DSCAML1: variants seen among roughly 807,000 people sequenced by gnomAD.
DSCAML1 encodes the protein cell adhesion molecule DSCAML1.
DSCAML1 carries 38 observed loss-of-function variants against 200.5 expected under a neutral mutation model. The observed-to-expected ratio is 0.19, with a 90% CI of 0.15 to 0.25. DSCAML1 has a LOEUF of 0.25. Among genes scored for constraint, DSCAML1 ranks in the 10% least tolerant of loss-of-function variants. The probability of loss-of-function intolerance (pLI) is 1.00; values close to 1 mark genes in which losing one functional copy is unlikely to be tolerated. For missense variants in DSCAML1, 2,223 were observed against 2,858.8 expected, an observed-to-expected ratio of 0.78 and a Z score of 5.07; for synonymous variants, 1,215 against 1,165.0, an observed-to-expected ratio of 1.04 and a Z score of -0.87.
chr11:117,592,325 G>T (rs915721112), intron 3 of DSCAML1, among the ~76,000 whole-genome samples: 2 of 152,134 alleles, frequency 1.3e-5, no homozygotes, highest in African/African-American at 4.8e-5. Context: ...TTGCAGTGTC[G>T]CCAGTCTGCC....
At chr11:117,728,532 A>G (rs527860821) in intron 3 of DSCAML1, among the ~76,000 whole-genome samples, 6 of 48,918 alleles carry the variant, frequency 1.2e-4, no homozygotes, top group Non-Finnish European at 6.2e-4. Flanking sequence ...AATCCTGTAT[A>G]TAAAAAACCC....
rs533504142 is a variant in DSCAML1, at chr11:117,517,422, C to A, written c.1511-683G>T. 2.0e-5 allele frequency among the ~76,000 whole-genome samples: 3 copies of A among 152,194 alleles called. No homozygotes were observed. In the South Asian group the frequency reaches 6.2e-4, roughly 32 times the overall value. On this transcript the variant is annotated intron_variant, in intron 7 of 32. Transcript: ENST00000651296. ...AAGCAAGACAGTGCTCCACAGGGTACAAGGTACTCTCTGGGCCTCAGGTCC... is the reference window on the plus strand; with the variant it reads ...AAGCAAGACAGTGCTCCACAGGGTAAAAGGTACTCTCTGGGCCTCAGGTCC...
intron 3 of DSCAML1, among the ~76,000 whole-genome samples, chr11:117,539,606 C>CAAAAAAAAAAAAAAAAA (rs35130897): frequency 0.018 from 954 of 52,480 alleles, 40 homozygotes; most frequent in Non-Finnish European, 0.024. Context: ...AAAACTCTGT[C>CAAAAAAAAAAAAAAAAA]AAAAAAAAAA....
At chr11:117,690,858 G>A (rs1373115552) in intron 3 of DSCAML1, among the ~76,000 whole-genome samples, 3 of 152,200 alleles carry the variant, frequency 2.0e-5, no homozygotes, top group Admixed American at 2.0e-4. Context: ...GAGGGGCTCT[G>A]GGCTCACCCT....
In DSCAML1 at chr11:117,443,743, G is replaced by A. The variant is rs1044108190; in HGVS notation, c.3862+143C>T. 2.8e-5 allele frequency: 33 copies of A among 1,173,026 alleles called. No individual in the cohort carries two copies. In the Middle Eastern group the frequency reaches 6.8e-4, roughly 24 times the overall value. The allele number at this position is 1,173,026 out of a possible 1,614,324, so 72.7% of individuals were successfully genotyped here. ...GCAGAGGCCCAGTCTTGGTGTGTGC[G>A]GGAGGCAGGCGGGTGGCCAGTTCCT... On this transcript the variant is annotated intron_variant, in intron 21 of 32. Transcript: ENST00000651296.
intron 3 of DSCAML1, among the ~76,000 whole-genome samples, chr11:117,608,943 G>T (rs907044658): frequency 1.3e-5 from 2 of 151,890 alleles, no homozygotes; most frequent in African/African-American, 4.8e-5. Flanking sequence ...GAGGTGGGCG[G>T]ATCACTTGAG....
chr11:117,714,840 A>AAC, intron 3 of DSCAML1, among the ~76,000 whole-genome samples: 1 of 150,948 alleles, frequency 6.6e-6, no homozygotes. Flanking sequence ...AAAAAAAAAA[A>AAC]AAAGGAAGGT....
chr11:117,534,787 A>T (rs1156961942), intron 3 of DSCAML1, among the ~76,000 whole-genome samples: 3 of 152,090 alleles, frequency 2.0e-5, no homozygotes, highest in East Asian at 1.9e-4. Flanking sequence ...CTAAAAAAAA[A>T]TTTTTGTAGA....
Position 117,521,263 on chromosome 11 carries a change from G to A in DSCAML1, c.1080C>T (p.Ala360=). 4 of 1,614,184 alleles carry A rather than the reference G, an allele frequency of 2.5e-6. No homozygotes were observed. The highest frequency in any genetic ancestry group is 3.4e-6 in the Non-Finnish European group (4 of 1,180,024). The change falls in exon 6 of 33, where the codon GCC becomes GCT. Residue 360 remains alanine, a synonymous_variant. Coordinates refer to ENST00000651296, the MANE Select transcript of DSCAML1 (RefSeq NM_020693.4). ...CGTTGCTGAGCCCGCGGATGGAGAT[G>A]GCCTCGTCAGGCAGCACCAGCTCCG... The part of the protein sequence containing the change: ...RNTELVLPDE[A]ISIRGLSNET...
intron 11 of DSCAML1, among the ~76,000 whole-genome samples, chr11:117,495,159 A>G (rs999372908): frequency 1.3e-5 from 2 of 152,126 alleles, no homozygotes; most frequent in Non-Finnish European, 2.9e-5. Context: ...CCTAGGTGCC[A>G]GGTTGGCTTC....
chr11:117,768,337 T>C (rs2054935929), intron 3 of DSCAML1, among the ~76,000 whole-genome samples: 1 of 152,202 alleles, frequency 6.6e-6, no homozygotes, highest in South Asian at 2.1e-4. Flanking sequence ...ATATTTGAGA[T>C]AAAAACATGA....
At chr11:117,620,507 C>A (rs1199144657) in intron 3 of DSCAML1, among the ~76,000 whole-genome samples, 1 of 152,188 alleles carries the variant, frequency 6.6e-6, no homozygotes, top group African/African-American at 2.4e-5. Flanking sequence ...AAATTAACTC[C>A]AGAGGGGAGA....
chr11:117,666,279 C>A (rs889705014), intron 3 of DSCAML1, among the ~76,000 whole-genome samples: 6 of 152,156 alleles, frequency 3.9e-5, no homozygotes, highest in Non-Finnish European at 8.8e-5. Context: ...CTGCTGTAAG[C>A]GTGCTGGGGA....
At position 117,613,232 on chromosome 11, in the gene DSCAML1, G is replaced by A. The variant is rs531913725; in HGVS notation, c.512-80710C>T. On this transcript the variant is annotated intron_variant, in intron 3 of 32. Transcript: ENST00000651296. ...AAACAAACAGGAGACAAGTGTTCTT[G>A]CAGGACTGCTGATGTTGCTGGGGAC... Among the ~76,000 whole-genome samples the A allele has an allele frequency of 1.4e-4, 22 of 152,158 alleles. No homozygotes were observed. The South Asian group carries it at 1.5e-3, about 10-fold the overall frequency.
chr11:117,723,582 C>G (rs907694441), intron 3 of DSCAML1, among the ~76,000 whole-genome samples: 2 of 152,160 alleles, frequency 1.3e-5, no homozygotes, highest in Non-Finnish European at 2.9e-5. Context: ...GGTGATTGCC[C>G]CTTACTTCCC....
chr11:117,554,613 G>A (rs765300753), intron 3 of DSCAML1, among the ~76,000 whole-genome samples: 1 of 152,178 alleles, frequency 6.6e-6, no homozygotes, highest in Non-Finnish European at 1.5e-5. Context: ...CTGACCTCAA[G>A]TGAACCACCT....
At chr11:117,609,203 T>A (rs7951334) in intron 3 of DSCAML1, among the ~76,000 whole-genome samples, 3,504 of 139,328 alleles carry the variant, frequency 0.025, 132 homozygotes, top group African/African-American at 0.082. Flanking sequence ...TATCTCAATT[T>A]AAAAAAAAAA....
intron 1 of DSCAML1, among the ~76,000 whole-genome samples, chr11:117,815,523 A>T (rs896399065): frequency 1.3e-5 from 2 of 152,238 alleles, no homozygotes; most frequent in East Asian, 1.9e-4. Context: ...ACCAGGGGGA[A>T]TTCCTCTCAG....
chr11:117,577,766 C>T (rs1467283388), intron 3 of DSCAML1, among the ~76,000 whole-genome samples: 2 of 151,038 alleles, frequency 1.3e-5, no homozygotes, highest in Non-Finnish European at 3.0e-5. Context: ...AGGGTTTCAC[C>T]ATGTTGGTCA....
Sources: gnomAD v4.1 joint callset for allele counts (sites outside exome capture counted in the v4.1 genomes callset) on GRCh38, gnomAD v4.1.1 for gene constraint, MANE v1.5 for transcripts, NCBI Gene and HGNC (gene_info 2026-07-23, HGNC 2026-07-21) for gene names.